EP400: variants seen among roughly 807,000 people sequenced by gnomAD.
EP400 encodes the protein E1A-binding protein p400.
Under a neutral mutation model 354.1 loss-of-function variants are expected in EP400, and 105 were observed. The observed-to-expected ratio is 0.30, with a 90% CI of 0.25 to 0.35. The LOEUF (loss-of-function observed/expected upper bound fraction) is 0.35. EP400 is among the 10% of genes least tolerant of loss of function. The pLI is 1.00. For missense variants in EP400, 3,280 were observed against 4,121.0 expected (o/e 0.80, Z 5.59); for synonymous variants, 1,646 against 1,716.9 (o/e 0.96, Z 1.02).
At chr12:132,047,813 C>T (rs1256727338) in intron 39 of EP400, among the ~76,000 whole-genome samples, 2 of 152,200 alleles carry the variant, frequency 1.3e-5, no homozygotes, top group Admixed American at 6.5e-5. Context: ...GGGAGGGCTA[C>T]AGGAGACTGG....
chr12:131,967,207 C>T (rs978307518), intron 2 of EP400, among the ~76,000 whole-genome samples: 9 of 151,256 alleles, frequency 6.0e-5, no homozygotes, highest in Non-Finnish European at 2.9e-5. Flanking sequence ...GTAGTGAAAC[C>T]CCGTCTCTAC....
intron 7 of EP400, among the ~76,000 whole-genome samples, chr12:131,989,405 A>C (rs1289800126): frequency 6.6e-6 from 1 of 152,256 alleles, no homozygotes. Flanking sequence ...AGTTGAGTGC[A>C]TTTCCATCCC....
chr12:131,960,728 T>TCCCCCCCCCCCCCCCCCC lies in EP400; in HGVS notation c.114_115insCCCCCCCCCCCCCCCCCC (p.Pro38_Ala39insProProProProProPro), dbSNP rs1891851150. 1 of 229,682 alleles carries TCCCCCCCCCCCCCCCCCC rather than the reference T, an allele frequency of 4.4e-6. No homozygotes were observed. The highest frequency in any genetic ancestry group is 8.9e-5 in the Admixed American group (1 of 11,230). 14.2% of individuals were successfully genotyped at this position (229,682 alleles called of 1,614,324 possible). ...GCCGGCCCACCCCAACCCACCCCCG[T>TCCCCCCCCCCCCCCCCCC]CCCCCGCAGCTCCCTTCGCTCCCTC... is the stretch of plus-strand genomic sequence containing the variant. On this transcript the variant is annotated inframe_insertion, in exon 2 of 53. Transcript: ENST00000389561.
intron 11 of EP400, among the ~76,000 whole-genome samples, chr12:131,993,482 T>A (rs567033704): frequency 1.3e-5 from 2 of 152,364 alleles, no homozygotes; most frequent in South Asian, 4.1e-4. Flanking sequence ...ACCTTTTCTC[T>A]GGCCTGCACT....
intron 36 of EP400, 30 bp downstream of exon 36, chr12:132,044,745 T>C: frequency 6.2e-7 from 1 of 1,614,168 alleles, no homozygotes; most frequent in Non-Finnish European, 8.5e-7. Context: ...TTTGTGTCTG[T>C]GTGGGCAGCT....
intron 45 of EP400, among the ~76,000 whole-genome samples, chr12:132,061,602 G>A (rs908084160): frequency 8.5e-5 from 13 of 152,176 alleles, no homozygotes; most frequent in African/African-American, 3.1e-4. Context: ...TTCTGCCTGC[G>A]GGCCAGAGTG....
chr12:131,992,693 A>G (rs1009590948), intron 11 of EP400, among the ~76,000 whole-genome samples: 2 of 152,214 alleles, frequency 1.3e-5, no homozygotes, highest in Non-Finnish European at 2.9e-5. Context: ...GCCATGACCT[A>G]TTTCCAAACC....
Position 132,025,721 on chromosome 12 carries a change from T to C in EP400, c.4931T>C (p.Val1644Ala). The change falls in exon 25 of 53, where the codon GTG becomes GCG. Residue 1644 changes from valine (V) to alanine (A), a missense_variant. Physicochemically the swap from Val to Ala is moderately conservative, Grantham distance 64. Transcript: ENST00000389561. This position sits in a 1 kb window ranked among gnomAD's most constrained non-coding sequence, Gnocchi z 4.1. The part of the protein sequence containing the change: ...RAPGPVVMQT[V>A]SQAGAVHGAL... ...CCTGGCCCTGTGGTGATGCAGACCG[T>C]GTCTCAGGCGGGCGCTGTGCACGGC... The C allele has an allele frequency of 1.9e-6, 3 of 1,613,266 alleles. No individual in the cohort carries two copies. Among genetic ancestry groups the C allele is most frequent in the Non-Finnish European group, 2.5e-6 (3 of 1,179,874 alleles).
chr12:132,000,770 CATTG>C (rs946353902), intron 12 of EP400, among the ~76,000 whole-genome samples: 2 of 152,144 alleles, frequency 1.3e-5, no homozygotes, highest in African/African-American at 4.8e-5. Context: ...TTTGTTAACC[CATTG>C]ATTAAGTGTT....
At position 132,044,837 on chromosome 12, in the gene EP400, A is replaced by G. The variant is rs1489437408; in HGVS notation, c.6668A>G (p.Asp2223Gly). The G allele has an allele frequency of 5.0e-6, 8 of 1,614,032 alleles. No homozygotes were observed. Among genetic ancestry groups the G allele is most frequent in the African/African-American group, 1.3e-5 (1 of 74,906 alleles). Residue 2223 changes from aspartate (D) to glycine (G), a missense_variant, in exon 37 of 53, where the codon GAC becomes GGC. This residue lies in a region of EP400 where 231 missense variants were observed against 257.9 expected (regional missense o/e 0.90). Transcript: ENST00000389561. ...CCCACCCCGCCGCAGGACGACAGCG[A>G]CATCTACCTCGACTCGGTCATGTGT... ...TPPTPPQDDS[D>G]IYLDSVMCLM...
intron 51 of EP400, among the ~76,000 whole-genome samples, chr12:132,074,633 A>G (rs1896175709): frequency 6.6e-6 from 1 of 151,988 alleles, no homozygotes. Flanking sequence ...TCTGCCCTCC[A>G]GGTCTCTCAG....
chr12:131,951,713 T>C (rs1891503324), intron 1 of EP400, among the ~76,000 whole-genome samples: 1 of 152,304 alleles, frequency 6.6e-6, no homozygotes, highest in Non-Finnish European at 1.5e-5. Flanking sequence ...GTGATTCTCC[T>C]GCCTCAGCAT....
In EP400 at chr12:132,013,845, G is replaced by A; in HGVS notation, c.3855G>A (p.Glu1285=). Residue 1285 remains glutamate (E), a synonymous_variant, in exon 19 of 53, where the codon GAG becomes GAA. Coordinates refer to ENST00000389561, the MANE Select transcript of EP400 (RefSeq NM_015409.5). The surrounding 1 kb of genome is among the most constrained non-coding windows in gnomAD (Gnocchi z 4.5). ...DVEKQLTKKY[E]HVLKCRLSNR... ...AAAAGCAACTAACAAAGAAATATGA[G>A]CATGTTTTGAAGTGTCGCCTTTCTA... The A allele has an allele frequency of 6.2e-7, 1 of 1,614,252 alleles. No homozygotes were observed. The highest frequency in any genetic ancestry group is 2.2e-5 in the East Asian group (1 of 44,888).
intron 16 of EP400, among the ~76,000 whole-genome samples, chr12:132,012,758 G>A (rs1248683132): frequency 6.6e-6 from 1 of 152,184 alleles, no homozygotes; most frequent in Non-Finnish European, 1.5e-5. Flanking sequence ...TTTTCCAAAT[G>A]GTAATTGTCA....
chr12:131,953,448 C>T (rs999702438), intron 1 of EP400, among the ~76,000 whole-genome samples: 1 of 152,144 alleles, frequency 6.6e-6, no homozygotes, highest in Admixed American at 6.5e-5. Flanking sequence ...ATTTAAAATC[C>T]TTGGAATTGT....
chr12:131,989,403 G>A lies in EP400; in HGVS notation c.2410-561G>A, dbSNP rs1208079079. Among the ~76,000 whole-genome samples, 4 of 152,228 alleles carry A rather than the reference G, an allele frequency of 2.6e-5. No homozygotes were observed. In the East Asian group the frequency reaches 7.7e-4, roughly 29 times the overall value. On this transcript the variant is annotated intron_variant, in intron 7 of 52. Transcript: ENST00000389561. The stretch of plus-strand genomic sequence containing the variant: ...CGCAGAGTCCTGGCGGTAGTTGAGT[G>A]CATTTCCATCCCTAGAACGGGCGTG...
intron 1 of EP400, among the ~76,000 whole-genome samples, chr12:131,955,077 G>A (rs1891651045): frequency 1.3e-5 from 2 of 152,018 alleles, no homozygotes; most frequent in African/African-American, 2.4e-5. Context: ...AAACTTAGTC[G>A]TTAAAAATTT....
intron 51 of EP400, among the ~76,000 whole-genome samples, chr12:132,074,700 T>C (rs1343859998): frequency 5.3e-5 from 8 of 152,238 alleles, no homozygotes. Context: ...AGTCATGTCT[T>C]TCGCTCTGTC....
In EP400 at chr12:132,015,109, G is replaced by C. The variant is rs766557915; in HGVS notation, c.3923+1196G>C. Among the ~76,000 whole-genome samples, 46 of 152,260 alleles carry C rather than the reference G, an allele frequency of 3.0e-4. 1 individual carries two copies. The highest frequency in any genetic ancestry group is 2.7e-3 in the Admixed American group (41 of 15,292). On this transcript the variant is annotated intron_variant, in intron 19 of 52. Transcript: ENST00000389561. ...GAGCCTGGGCACCCTCGAGAGGCAG[G>C]TGCCTGTGAATGCAGCATGCTTAAT... is the stretch of plus-strand genomic sequence containing the variant.
Sources: gnomAD v4.1 joint callset for allele counts (sites outside exome capture counted in the v4.1 genomes callset) on GRCh38, gnomAD v4.1.1 for gene constraint, gnomAD v4.1.1 regional missense constraint, Gnocchi (gnomAD v3.1) non-coding constraint, MANE v1.5 for transcripts, NCBI Gene and HGNC (gene_info 2026-07-23, HGNC 2026-07-21) for gene names.